The following XIRP2 variants were observed in gnomAD, a reference collection of about 807,000 sequenced individuals.
The protein encoded by XIRP2 is xin actin binding repeat containing 2, also known as xin actin-binding repeat-containing protein 2.
In XIRP2, 236 loss-of-function variants were observed where a neutral mutation model predicts 277.0. The observed-to-expected ratio is 0.85, with a 90% CI of 0.77 to 0.95. The LOEUF is 0.95. Ranked by LOEUF, XIRP2 falls within the 40% of genes least tolerant of loss-of-function variation. The pLI is 0.00. For synonymous variants in XIRP2, 1,490 were observed against 1,416.5 expected (o/e 1.05, Z -1.17); for missense variants, 4,640 against 4,157.5 (o/e 1.12, Z -3.19).
chr2:167,048,293 C>G (rs1558961198), intron 2 of XIRP2, among the ~76,000 whole-genome samples: 1 of 151,942 alleles, frequency 6.6e-6, no homozygotes. Context: ...GCAAAACTCT[C>G]TTCAATACTA....
chr2:167,171,486 T>C (rs1692688711), intron 3 of XIRP2, among the ~76,000 whole-genome samples: 1 of 152,178 alleles, frequency 6.6e-6, no homozygotes, highest in Non-Finnish European at 1.5e-5. Flanking sequence ...TATATATAGA[T>C]GGTTTTTTAA....
intron 2 of XIRP2, among the ~76,000 whole-genome samples, chr2:167,032,738 A>T (rs988358591): frequency 1.1e-4 from 17 of 152,202 alleles, no homozygotes; most frequent in Admixed American, 3.9e-4. Flanking sequence ...TCAAAACCCC[A>T]ATGAGATACC....
intron 2 of XIRP2, among the ~76,000 whole-genome samples, chr2:166,915,122 C>T (rs1684825538): frequency 6.6e-6 from 1 of 151,112 alleles, no homozygotes; most frequent in Admixed American, 6.6e-5. Flanking sequence ...ACGATGCAAC[C>T]ACGTCTAGAC....
intron 2 of XIRP2, among the ~76,000 whole-genome samples, chr2:167,053,064 T>A (rs1157204056): frequency 6.6e-6 from 1 of 152,176 alleles, no homozygotes; most frequent in East Asian, 1.9e-4. Flanking sequence ...GCTCATGATG[T>A]TTCTACCCTG....
intron 1 of XIRP2, among the ~76,000 whole-genome samples, chr2:166,896,290 G>A (rs1412605061): frequency 6.6e-6 from 1 of 152,014 alleles, no homozygotes; most frequent in Non-Finnish European, 1.5e-5. Context: ...CCTCAGACAG[G>A]GTCTTCAGTG....
chr2:167,081,955 TA>T (rs111642150), intron 2 of XIRP2, among the ~76,000 whole-genome samples: 17,104 of 151,364 alleles, frequency 0.11, 2,032 homozygotes, highest in African/African-American at 0.3. Context: ...TCTTTTTTTT[TA>T]TTATTATACT....
intron 2 of XIRP2, among the ~76,000 whole-genome samples, chr2:166,945,478 C>A (rs151116302): frequency 6.8e-4 from 103 of 151,594 alleles, no homozygotes; most frequent in African/African-American, 2.3e-3. Flanking sequence ...CCTTAAAAAT[C>A]AAAAAAAGTA....
At chr2:167,179,766 C>A (rs73025796) in intron 3 of XIRP2, among the ~76,000 whole-genome samples, 14,998 of 151,902 alleles carry the variant, frequency 0.099, 785 homozygotes, top group South Asian at 0.15. Context: ...CAGCCTCTAA[C>A]GTAGCTGGGA....
chr2:167,084,920 G>GT (rs1273754864), intron 2 of XIRP2, among the ~76,000 whole-genome samples: 2 of 150,468 alleles, frequency 1.3e-5, no homozygotes, highest in African/African-American at 2.4e-5. Context: ...TTTTTGAAGG[G>GT]TTTTTTTGTG....
chr2:167,074,826 T>C (rs1337666118), intron 2 of XIRP2, among the ~76,000 whole-genome samples: 2 of 152,136 alleles, frequency 1.3e-5, no homozygotes, highest in African/African-American at 2.4e-5. Context: ...GGTTTTGCCA[T>C]GTTGCCCAAG....
chr2:166,973,056 G>A (rs1686619988), intron 2 of XIRP2, among the ~76,000 whole-genome samples: 1 of 152,078 alleles, frequency 6.6e-6, no homozygotes, highest in Admixed American at 6.6e-5. Context: ...TTAAATAGCT[G>A]AGTAAATCTG....
At chr2:166,970,297 G>A (rs1249727202) in intron 2 of XIRP2, among the ~76,000 whole-genome samples, 2 of 151,926 alleles carry the variant, frequency 1.3e-5, no homozygotes, top group African/African-American at 4.8e-5. Context: ...TTTTAACACA[G>A]TATTTCTTTT....
At chr2:167,151,441 C>G (rs985222117) in intron 3 of XIRP2, among the ~76,000 whole-genome samples, 1 of 152,038 alleles carries the variant, frequency 6.6e-6, no homozygotes, top group Admixed American at 6.6e-5. Context: ...AACTTTTACC[C>G]CCAGATCTGT....
intron 3 of XIRP2, among the ~76,000 whole-genome samples, chr2:167,202,871 G>C (rs1693761904): frequency 6.6e-6 from 1 of 152,212 alleles, no homozygotes; most frequent in Non-Finnish European, 1.5e-5. Context: ...TCCTCCAGAA[G>C]CTCCAGGGGA....
intron 2 of XIRP2, among the ~76,000 whole-genome samples, chr2:167,016,868 A>G (rs1418078694): frequency 1.3e-5 from 2 of 151,994 alleles, no homozygotes; most frequent in Non-Finnish European, 2.9e-5. Flanking sequence ...AAAGTAGTTT[A>G]GTGACTTAGG....
At chr2:167,025,139 A>G (rs1313628967) in intron 2 of XIRP2, among the ~76,000 whole-genome samples, 1 of 151,972 alleles carries the variant, frequency 6.6e-6, no homozygotes, top group African/African-American at 2.4e-5. Context: ...AGATCCTGTT[A>G]TTGGTCTATT....
chr2:167,088,615 A>G (rs576464341), intron 2 of XIRP2, among the ~76,000 whole-genome samples: 1 of 152,260 alleles, frequency 6.6e-6, no homozygotes, highest in African/African-American at 2.4e-5. Context: ...ATAACATTCT[A>G]CAATCACAGG....
chr2:167,244,258 A>G lies in XIRP2; in HGVS notation c.2866A>G (p.Asn956Asp). The change falls in exon 9 of 11, where the codon AAT becomes GAT. Residue 956 changes from asparagine to aspartate, a missense_variant. Asn to Asp is a conservative substitution (Grantham distance 23). Coordinates refer to ENST00000409195, the MANE Select transcript of XIRP2 (RefSeq NM_152381.6). ...KNYTHIFESN[N>D]LIKFDASHKI... ...TTACACACATATCTTTGAATCAAAC[A>G]ATTTAATTAAATTTGATGCATCACA... 1 of 1,613,750 alleles carries G rather than the reference A, an allele frequency of 6.2e-7. No homozygotes were observed. The highest frequency in any genetic ancestry group is 1.1e-5 in the South Asian group (1 of 91,008).
In XIRP2 at chr2:167,082,434, G is replaced by A. The variant is rs541304504; in HGVS notation, c.409-53475G>A. Among the ~76,000 whole-genome samples, 823 of 152,040 alleles carry A rather than the reference G, an allele frequency of 5.4e-3. 2 individuals are homozygous for A. The highest frequency in any genetic ancestry group is 0.019 in the African/African-American group (773 of 41,450). ...TGTGCATGTGTCTTTATAGCAGCAT[G>A]ATTTAGAGTTCTTTGGGTATATACC... On this transcript the variant is annotated intron_variant, in intron 2 of 10. Coordinates refer to ENST00000409195, the MANE Select transcript of XIRP2 (RefSeq NM_152381.6).
Sources: gnomAD v4.1 joint callset for allele counts (sites outside exome capture counted in the v4.1 genomes callset) on GRCh38, gnomAD v4.1.1 for gene constraint, MANE v1.5 for transcripts, NCBI Gene and HGNC (gene_info 2026-07-23, HGNC 2026-07-21) for gene names.